The following OCM2 variants were observed in gnomAD, a reference collection of about 807,000 sequenced individuals.
The protein encoded by OCM2 is oncomodulin 2.
A neutral mutation model predicts 13.6 loss-of-function variants in OCM2; 6 were observed. The ratio of observed to expected loss-of-function variants is 0.44; its 90% confidence interval spans 0.24 to 0.87. The LOEUF (loss-of-function observed/expected upper bound fraction) is 0.87. Ranked by LOEUF, OCM2 falls within the 40% of genes least tolerant of loss-of-function variation. The pLI is 0.22. For synonymous variants in OCM2, 40 were observed against 50.7 expected, an observed-to-expected ratio of 0.79 and a Z score of 0.90; for missense variants, 118 against 136.8, an observed-to-expected ratio of 0.86 and a Z score of 0.68.
At chr7:97,985,765 C>A (rs531896538) in intron 3 of OCM2, among the ~76,000 whole-genome samples, 2 of 152,034 alleles carry the variant, frequency 1.3e-5, no homozygotes, top group Non-Finnish European at 2.9e-5. Flanking sequence ...TCCATTGAAC[C>A]AAACTCCAAA....
At position 97,987,367 on chromosome 7, in the gene OCM2, A is replaced by G. The variant is rs549721825; in HGVS notation, c.195-211T>C. Among the ~76,000 whole-genome samples, 292 of 152,134 alleles carry G rather than the reference A, an allele frequency of 1.9e-3. 1 individual carries two copies. Among genetic ancestry groups the G allele is most frequent in the African/African-American group, 6.6e-3 (274 of 41,508 alleles). On this transcript the variant is annotated intron_variant, in intron 2 of 3. Coordinates refer to ENST00000257627, the Ensembl canonical transcript of OCM2. ...GTTTGTTTGTTTGTTTATTTTTGAG[A>G]TAGGGTCTTGCTCTGTCACCCAGGC...
intron 2 of OCM2, 70 bp downstream of exon 2, chr7:97,988,346 C>G (rs13242307): frequency 0.086 from 137,447 of 1,591,452 alleles, 6,661 homozygotes; most frequent in Middle Eastern, 0.15. Flanking sequence ...TACTGAGCAA[C>G]CTGGCCCCCA....
At chr7:97,984,778 C>CCAAGAAAGT (rs1267241862) in exon 4 of OCM2, 1 of 816,506 alleles carries the variant, frequency 1.2e-6, no homozygotes, top group Non-Finnish European at 1.9e-6. Context: ...ATACCCACCA[C>CCAAGAAAGT]CAAGAAAGTC....
rs556938261 is a variant in OCM2 at position 97,989,749 on chromosome 7, G to T, written c.61+295C>A. On this transcript the variant is annotated intron_variant, in intron 1 of 3. Coordinates refer to ENST00000257627, the Ensembl canonical transcript of OCM2. ...TTTGTAGACAGAGTCTACAAAAAAG[G>T]CCGGGTTCAAGCAATTCTCAGCCTC... Among the ~76,000 whole-genome samples, 14 of 150,808 alleles carry T rather than the reference G, an allele frequency of 9.3e-5. No individual in the cohort carries two copies. In the East Asian group the frequency reaches 1.6e-3, roughly 17 times the overall value.
chr7:97,986,646 A>G (rs1205257800), intron 3 of OCM2, among the ~76,000 whole-genome samples: 2 of 152,180 alleles, frequency 1.3e-5, no homozygotes, highest in Non-Finnish European at 2.9e-5. Flanking sequence ...ACGCATGCCA[A>G]TGGACCCTGG....
exon 4 of OCM2, chr7:97,984,769 T>A: frequency 1.4e-6 from 1 of 723,774 alleles, no homozygotes; most frequent in Non-Finnish European, 2.3e-6. Context: ...TCAGGGCATA[T>A]ACCCACCACC....
intron 3 of OCM2, among the ~76,000 whole-genome samples, chr7:97,985,970 T>A (rs919445824): frequency 6.6e-6 from 1 of 152,148 alleles, no homozygotes; most frequent in African/African-American, 2.4e-5. Context: ...TGGAGTGCAA[T>A]GGTGCCATCT....
In OCM2 at chr7:97,986,974, A is replaced by G. The variant is rs1459353409; in HGVS notation, c.304+73T>C. 2.1e-4 allele frequency: 333 copies of G among 1,600,584 alleles called. 9 individuals are homozygous for G. In the South Asian group the frequency reaches 3.5e-3, roughly 17 times the overall value. On this transcript the variant is annotated intron_variant, in intron 3 of 3. Transcript: ENST00000257627. ...GGAGATTTTAAGCCACATTGGTTTG[A>G]TCTCACAGCCCAACCCCTCACGGAT...
intron 1 of OCM2, among the ~76,000 whole-genome samples, chr7:97,988,813 C>T (rs1315135694): frequency 6.6e-6 from 1 of 152,086 alleles, no homozygotes; most frequent in African/African-American, 2.4e-5. Context: ...CCTCCCCCTC[C>T]CCCTGGCCCA....
At chr7:97,988,638 A>C (rs1476220641) in intron 1 of OCM2, 90 bp from the exon 2 acceptor site, 1 of 1,530,690 alleles carries the variant, frequency 6.5e-7, no homozygotes, top group African/African-American at 1.4e-5. Flanking sequence ...GATTAAAAAC[A>C]CTTCAACAAT....
At chr7:97,988,188 CAA>C (rs66591146) in intron 2 of OCM2, among the ~76,000 whole-genome samples, 4 of 147,088 alleles carry the variant, frequency 2.7e-5, no homozygotes, top group Non-Finnish European at 1.5e-5. Flanking sequence ...GGCCCTGTCT[CAA>C]AAAAAAAAAA....
At chr7:97,988,936 T>TC (rs71108259) in intron 1 of OCM2, among the ~76,000 whole-genome samples, 59 of 123,068 alleles carry the variant, frequency 4.8e-4, no homozygotes, top group Non-Finnish European at 3.2e-4. Flanking sequence ...TTTCTTTCTT[T>TC]TTTTTTTTTT....
At chr7:97,985,431 A>AGAAAGAAAGAAAG (rs1554366492) in intron 3 of OCM2, among the ~76,000 whole-genome samples, 12 of 131,500 alleles carry the variant, frequency 9.1e-5, no homozygotes, top group African/African-American at 3.2e-4. Flanking sequence ...AAAAAAAAAA[A>AGAAAGAAAGAAAG]AAAGAAAGAA....
chr7:97,986,238 C>A (rs959344605), intron 3 of OCM2, among the ~76,000 whole-genome samples: 13 of 152,076 alleles, frequency 8.5e-5, no homozygotes, highest in Non-Finnish European at 1.9e-4. Context: ...ATAAGGCAAT[C>A]CCCCCTTACC....
At chr7:97,988,349 G>A in intron 2 of OCM2, 67 bp downstream of exon 2, 1 of 1,595,868 alleles carries the variant, frequency 6.3e-7, no homozygotes, top group South Asian at 1.1e-5. Flanking sequence ...TGAGCAACCT[G>A]GCCCCCACTG....
chr7:97,986,316 G>C (rs1794670585), intron 3 of OCM2, among the ~76,000 whole-genome samples: 1 of 94,286 alleles, frequency 1.1e-5, no homozygotes, highest in South Asian at 4.0e-4. Flanking sequence ...GTATAATTTT[G>C]AACAGGTTTT....
chr7:97,989,386 C>T (rs867027824), intron 1 of OCM2, among the ~76,000 whole-genome samples: 59 of 145,146 alleles, frequency 4.1e-4, no homozygotes, highest in Middle Eastern at 3.6e-3. Flanking sequence ...CTCTTATTTA[C>T]TTATTTATTT....
chr7:97,988,060 A>C (rs1322174299), intron 2 of OCM2, among the ~76,000 whole-genome samples: 1 of 151,964 alleles, frequency 6.6e-6, no homozygotes, highest in African/African-American at 2.4e-5. Flanking sequence ...ATGTGGTGGC[A>C]AGCACCTGTA....
intron 1 of OCM2, among the ~76,000 whole-genome samples, chr7:97,989,394 T>C (rs1161249332): frequency 1.3e-5 from 2 of 150,276 alleles, no homozygotes; most frequent in Middle Eastern, 6.8e-3. Context: ...TACTTATTTA[T>C]TTATTTATTT....
Sources: allele counts gnomAD v4.1 joint callset (sites outside exome capture counted in the v4.1 genomes callset), GRCh38; gene constraint gnomAD v4.1.1; transcripts MANE v1.5; gene names NCBI Gene and HGNC (gene_info 2026-07-23, HGNC 2026-07-21).